The following SAMSN1 variants were observed in gnomAD, a reference collection of about 807,000 sequenced individuals.
The protein encoded by SAMSN1 is SAM domain, SH3 domain and nuclear localization signals 1.
SAMSN1 carries 31 observed loss-of-function variants against 42.0 expected under a neutral mutation model. The ratio of observed to expected loss-of-function variants is 0.74; its 90% CI spans 0.55 to 1.00. The LOEUF is 1.00. Ranked by LOEUF, SAMSN1 falls within the 50% of genes least tolerant of loss-of-function variation. SAMSN1 has a pLI of 0.00. For missense variants in SAMSN1, 464 were observed against 439.4 expected (o/e 1.06, Z -0.50); for synonymous variants, 178 against 151.9 (o/e 1.17, Z -1.26).
At chr21:14,643,800 G>T (rs1347336023) in intron 1 of SAMSN1, among the ~76,000 whole-genome samples, 1 of 152,258 alleles carries the variant, frequency 6.6e-6, no homozygotes, top group East Asian at 1.9e-4. Context: ...CCGAATCTCC[G>T]ACGCCACTCC....
intron 6 of SAMSN1, among the ~76,000 whole-genome samples, chr21:14,597,256 C>T (rs1045824077): frequency 6.6e-6 from 1 of 152,042 alleles, no homozygotes; most frequent in Non-Finnish European, 1.5e-5. Flanking sequence ...ATTATTTCTC[C>T]AGTGACCCAG....
intron 2 of SAMSN1, among the ~76,000 whole-genome samples, chr21:14,623,603 C>G (rs1215921843): frequency 6.6e-6 from 1 of 152,150 alleles, no homozygotes; most frequent in African/African-American, 2.4e-5. Context: ...GGACCCAAAA[C>G]AGAAGCACCC....
At chr21:14,586,051 T>C (rs1327569930), upstream of SAMSN1, among the ~76,000 whole-genome samples, 1 of 151,646 alleles carries the variant, frequency 6.6e-6, no homozygotes, top group East Asian at 1.9e-4. Context: ...GATCATGAGG[T>C]CAGGAGATGG....
intron 1 of SAMSN1, 89 bp from the exon 2 acceptor site, chr21:14,521,310 G>T: frequency 1.2e-6 from 1 of 832,362 alleles, no homozygotes; most frequent in Non-Finnish European, 1.9e-6. Context: ...AGTTTAATAA[G>T]CACCGTCTCT....
At chr21:14,601,771 C>T (rs1982437856) in intron 6 of SAMSN1, among the ~76,000 whole-genome samples, 1 of 152,144 alleles carries the variant, frequency 6.6e-6, no homozygotes, top group Non-Finnish European at 1.5e-5. Flanking sequence ...CCCAGAGTTA[C>T]TTATCAAAAG....
chr21:14,552,949 C>T (rs956791474), intron 2 of SAMSN1, among the ~76,000 whole-genome samples: 3 of 151,862 alleles, frequency 2.0e-5, no homozygotes, highest in African/African-American at 7.3e-5. Flanking sequence ...TATAAAAATG[C>T]TTACACTAAA....
chr21:14,507,834 C>A, intron 5 of SAMSN1, among the ~76,000 whole-genome samples: 2 of 129,388 alleles, frequency 1.5e-5, no homozygotes. Flanking sequence ...CAGCATGGTA[C>A]TGGTAAAAAA....
chr21:14,622,602 A>G (rs992069579), intron 2 of SAMSN1, among the ~76,000 whole-genome samples: 4 of 152,238 alleles, frequency 2.6e-5, no homozygotes, highest in Non-Finnish European at 5.9e-5. Context: ...AACAGCCTCT[A>G]AGAATTATGG....
intron 2 of SAMSN1, among the ~76,000 whole-genome samples, chr21:14,625,141 G>A (rs1983130718): frequency 6.6e-6 from 1 of 151,998 alleles, no homozygotes. Flanking sequence ...AATAATAAGA[G>A]CTATCTATGA....
At chr21:14,623,515 G>A (rs186329569) in intron 2 of SAMSN1, among the ~76,000 whole-genome samples, 24 of 152,190 alleles carry the variant, frequency 1.6e-4, no homozygotes, top group South Asian at 4.2e-4. Context: ...AACAAAGATC[G>A]AAAGAGACAA....
chr21:14,587,836 T>C (rs1017984752), upstream of SAMSN1, among the ~76,000 whole-genome samples: 1 of 151,740 alleles, frequency 6.6e-6, no homozygotes, highest in Non-Finnish European at 1.5e-5. Context: ...GTTACATATG[T>C]ATACATGTGC....
intron 2 of SAMSN1, among the ~76,000 whole-genome samples, chr21:14,631,671 G>T (rs1222107593): frequency 2.0e-5 from 3 of 152,056 alleles, no homozygotes. Flanking sequence ...CACCCAAGAT[G>T]GGATTTTTAT....
At chr21:14,617,649 T>C (rs992080663) in intron 2 of SAMSN1, among the ~76,000 whole-genome samples, 7 of 152,234 alleles carry the variant, frequency 4.6e-5, no homozygotes, top group African/African-American at 1.7e-4. Flanking sequence ...TTATGAATGT[T>C]GCCGTCTTCA....
intron 2 of SAMSN1, among the ~76,000 whole-genome samples, chr21:14,617,849 AAG>A (rs1427786882): frequency 6.6e-6 from 1 of 152,256 alleles, no homozygotes; most frequent in Non-Finnish European, 1.5e-5. Flanking sequence ...GCAATCGAGC[AAG>A]AGAGTTTGAA....
chr21:14,623,847 C>T (rs1007480158), intron 2 of SAMSN1, among the ~76,000 whole-genome samples: 2 of 152,164 alleles, frequency 1.3e-5, no homozygotes, highest in Non-Finnish European at 2.9e-5. Context: ...CACACCACAC[C>T]TATTCCAAAA....
At chr21:14,505,024 C>G (rs1987335508) in intron 5 of SAMSN1, among the ~76,000 whole-genome samples, 1 of 152,134 alleles carries the variant, frequency 6.6e-6, no homozygotes, top group Non-Finnish European at 1.5e-5. Flanking sequence ...AGGAAAGATA[C>G]AGTCTTTTTC....
chr21:14,527,002 T>C (rs879725228), intron 1 of SAMSN1, among the ~76,000 whole-genome samples: 27 of 152,186 alleles, frequency 1.8e-4, no homozygotes, highest in Non-Finnish European at 3.2e-4. Flanking sequence ...AAGGTGCTGG[T>C]GGAAAAGTTT....
At chr21:14,491,881 T>G (rs556723138) in intron 7 of SAMSN1, among the ~76,000 whole-genome samples, 37 of 152,332 alleles carry the variant, frequency 2.4e-4, no homozygotes, top group African/African-American at 8.7e-4. Flanking sequence ...TGTCTAAAAC[T>G]ATTACTTTTG....
intron 2 of SAMSN1, among the ~76,000 whole-genome samples, chr21:14,557,975 C>A (rs186374974): frequency 1.3e-5 from 2 of 152,336 alleles, no homozygotes; most frequent in Non-Finnish European, 1.5e-5. Context: ...AGCATGTGGA[C>A]TTTGGAGGAG....
Sources: allele counts gnomAD v4.1 joint callset (sites outside exome capture counted in the v4.1 genomes callset), GRCh38; gene constraint gnomAD v4.1.1; transcripts MANE v1.5; gene names NCBI Gene and HGNC (gene_info 2026-07-23, HGNC 2026-07-21).